The following WDR73 variants were observed in gnomAD, a reference collection of about 807,000 sequenced individuals.
WDR73 encodes the protein integrator complex assembly factor WDR73.
In WDR73, 30 loss-of-function variants were observed where a neutral mutation model predicts 38.2. The observed-to-expected ratio is 0.79, with a 90% CI of 0.59 to 1.06. WDR73 has a LOEUF of 1.06. Ranked by LOEUF, WDR73 falls within the 50% of genes least tolerant of loss-of-function variation. The pLI is 0.00. For missense variants in WDR73, 487 were observed against 467.0 expected (o/e 1.04, Z -0.40); for synonymous variants, 197 against 176.0 (o/e 1.12, Z -0.94).
intron 6 of WDR73, 54 bp downstream of exon 6, chr15:84,646,130 G>A: frequency 6.2e-7 from 1 of 1,610,620 alleles, no homozygotes; most frequent in Non-Finnish European, 8.5e-7. Flanking sequence ...GCTGAGTTGG[G>A]CTGGGGGGTG....
chr15:84,649,307 TG>T (rs1429666756), intron 3 of WDR73, among the ~76,000 whole-genome samples: 1 of 152,102 alleles, frequency 6.6e-6, no homozygotes, highest in African/African-American at 2.4e-5. Context: ...AAGGCAAAGC[TG>T]GTGGTGAGCG....
Position 84,645,742 on chromosome 15 carries a change from G to A in WDR73, c.612C>T (p.Asp204=). 1 of 1,611,236 alleles carries A rather than the reference G, an allele frequency of 6.2e-7. No individual in the cohort carries two copies. Among genetic ancestry groups the A allele is most frequent in the Non-Finnish European group, 8.5e-7 (1 of 1,178,706 alleles). The change falls in exon 7 of 8, where the codon GAC becomes GAT. Residue 204 remains aspartate, a synonymous_variant. Coordinates refer to ENST00000434634, the MANE Select transcript of WDR73 (RefSeq NM_032856.5). ...CCASGRLGLV[D]TRQKWAPLEN... Reference sequence around the variant, plus strand: ...CCAACGGTGCCCACTTCTGCCGGGTGTCAACAAGCCCCAGCCGGCCTGAAG... The same window carrying A: ...CCAACGGTGCCCACTTCTGCCGGGTATCAACAAGCCCCAGCCGGCCTGAAG...
Position 84,653,672 on chromosome 15 carries a change from C to T in WDR73, c.69G>A (p.Leu23=), listed in dbSNP as rs1896695910. The T allele has an allele frequency of 6.3e-7, 1 of 1,595,694 alleles. No individual in the cohort carries two copies. The highest frequency in any genetic ancestry group is 8.5e-7 in the Non-Finnish European group (1 of 1,170,984). The change falls in exon 2 of 8, where the codon CTG becomes CTA. Residue 23 remains leucine, a synonymous_variant. Coordinates refer to ENST00000434634, the MANE Select transcript of WDR73 (RefSeq NM_032856.5). ...ATTCAAGGACTCGAGTGGCTCCTGA[C>T]AGGTCGAATGCATAGAAATCCTGGT... The part of the protein sequence containing the change: ...RLYQDFYAFD[L]SGATRVLEWI...
At chr15:84,652,874 A>ATGTATCCTTACTTCGG in intron 2 of WDR73, 72 bp from the exon 3 acceptor site, 2 of 903,822 alleles carry the variant, frequency 2.2e-6, no homozygotes, top group Non-Finnish European at 1.7e-6. Context: ...CCCCGAAGTA[A>ATGTATCCTTACTTCGG]GGATACATTC....
rs1274261971 is a variant in WDR73 at position 84,640,677 on chromosome 15, CAG to C, written c.*2791_*2792del. ...TGCCACTGCATTCCAGCCTGGGCGA[CAG>C]AGTGAGACCCAGACTCAGCTGAAAA... On this transcript the variant is annotated 3_prime_UTR_variant, in exon 8 of 8. Transcript: ENST00000434634. 1 of 152,248 alleles carries C rather than the reference CAG, an allele frequency of 6.6e-6. No individual in the cohort carries two copies. The highest frequency in any genetic ancestry group is 1.5e-5 in the Non-Finnish European group (1 of 68,066). 9.4% of individuals were successfully genotyped at this position (152,248 alleles called of 1,614,324 possible).
rs1896205473 is a variant in WDR73 at position 84,639,810 on chromosome 15, C to T, written c.*3660G>A. The T allele has an allele frequency of 6.6e-6, 1 of 152,254 alleles. No individual in the cohort carries two copies. The highest frequency in any genetic ancestry group is 1.5e-5 in the Non-Finnish European group (1 of 68,100). 9.4% of individuals were successfully genotyped at this position (152,254 alleles called of 1,614,324 possible). On this transcript the variant is annotated 3_prime_UTR_variant, in exon 8 of 8. Coordinates refer to ENST00000434634, the MANE Select transcript of WDR73 (RefSeq NM_032856.5). ...AAAACTCCGCACCTGCCATCGAAAC[C>T]ACCAGGTGTACCGGATTATGGCTGA...
intron 2 of WDR73, chr15:84,653,389 C>G: frequency 2.5e-6 from 1 of 403,212 alleles, no homozygotes; most frequent in South Asian, 2.4e-5. Context: ...AGACTGGTCT[C>G]GAACTCCTGA....
rs201991585 is a variant in WDR73, at chr15:84,642,345, CA to C, written c.*1124del. On this transcript the variant is annotated 3_prime_UTR_variant, in exon 8 of 8. Transcript: ENST00000434634. The stretch of plus-strand genomic sequence containing the variant: ...ACAGAGCAAGACTCCATCTCTACTA[CA>C]AAAAAAAAAAAAAAAAAAATTCAAC... 0.017 allele frequency: 1,987 copies of C among 119,778 alleles called. 40 individuals are homozygous for C. The highest frequency in any genetic ancestry group is 0.048 in the African/African-American group (1,679 of 34,874). The allele number at this position is 119,778 out of a possible 1,614,324, so 7.4% of individuals were successfully genotyped here. A position where few individuals can be genotyped will look rare whatever the true frequency, so the allele number is the denominator to read the frequency against.
chr15:84,646,488 C>G (rs1361073709), intron 5 of WDR73, 140 bp from the exon 6 acceptor site: 1 of 1,248,920 alleles, frequency 8.0e-7, no homozygotes, highest in African/African-American at 1.5e-5. Flanking sequence ...GATGTTGAGA[C>G]ATAACTACTC....
Position 84,643,512 on chromosome 15 carries a change from A to C in WDR73, c.1095T>G (p.Ser365=), listed in dbSNP as rs1896333195. The change falls in exon 8 of 8, where the codon TCT becomes TCG. Residue 365 remains serine (S), a synonymous_variant. Transcript: ENST00000434634. ...GGTCCACCCAGTCCCACACATGCAG[A>C]GAGGCATCATTTGTTGCTGATAACA... ...RTLLSATNDA[S]LHVWDWVDLC... 2 of 1,581,298 alleles carry C rather than the reference A, an allele frequency of 1.3e-6. No individual in the cohort carries two copies. Among genetic ancestry groups the C allele is most frequent in the Non-Finnish European group, 1.7e-6 (2 of 1,163,010 alleles).
chr15:84,646,968 C>G (rs891722899), intron 5 of WDR73: 2 of 152,994 alleles, frequency 1.3e-5, no homozygotes, highest in African/African-American at 4.8e-5. Context: ...TCTCAGCTCA[C>G]TGCAGCCTCC....
rs182757693 is a variant in WDR73, at chr15:84,641,272, G to C, written c.*2198C>G. ...AAAACGTCCAGTGCAGGTGGGAAAT[G>C]AATGGGAGCTAGCATTCCACCAACA... On this transcript the variant is annotated 3_prime_UTR_variant, in exon 8 of 8. Transcript: ENST00000434634. 1.3e-4 allele frequency: 20 copies of C among 152,278 alleles called. No homozygotes were observed. The highest frequency in any genetic ancestry group is 4.8e-4 in the African/African-American group (20 of 41,556). 9.4% of individuals were successfully genotyped at this position (152,278 alleles called of 1,614,324 possible).
chr15:84,647,977 G>A (rs1433696139), intron 4 of WDR73, 23 bp from the exon 5 acceptor site: 1 of 1,612,500 alleles, frequency 6.2e-7, no homozygotes, highest in Non-Finnish European at 8.5e-7. Context: ...GACAAAATCA[G>A]TCCAGACCAT....
chr15:84,645,741 T>A lies in WDR73; in HGVS notation c.613A>T (p.Thr205Ser), dbSNP rs1462152293. The A allele has an allele frequency of 6.2e-7, 1 of 1,610,820 alleles. No homozygotes were observed. The highest frequency in any genetic ancestry group is 8.5e-7 in the Non-Finnish European group (1 of 1,178,574). ...TCCAACGGTGCCCACTTCTGCCGGGTGTCAACAAGCCCCAGCCGGCCTGAA... is the reference window on the plus strand; with the variant it reads ...TCCAACGGTGCCCACTTCTGCCGGGAGTCAACAAGCCCCAGCCGGCCTGAA... ...CASGRLGLVD[T>S]RQKWAPLENR... Residue 205 changes from threonine to serine, a missense_variant, in exon 7 of 8, where the codon ACC (threonine) becomes TCC (serine). Transcript: ENST00000434634.
Position 84,643,626 on chromosome 15 carries a change from G to A in WDR73, c.981C>T (p.His327=), listed in dbSNP as rs369382526. The change falls in exon 8 of 8, where the codon CAC becomes CAT. Residue 327 remains histidine, a synonymous_variant. Coordinates refer to ENST00000434634, the MANE Select transcript of WDR73 (RefSeq NM_032856.5). The part of the protein sequence containing the change: ...TRSQVEPLFT[H]RGHIFLDGNG... ...TTCCATCTAGGAAGATGTGACCTCT[G>A]TGAGTGAAGAGAGGTTCTACTTGGC... is the stretch of plus-strand genomic sequence containing the variant. 3.8e-4 allele frequency: 619 copies of A among 1,612,600 alleles called. 2 individuals carry two copies. The highest frequency in any genetic ancestry group is 4.9e-4 in the Non-Finnish European group (576 of 1,179,386).
chr15:84,646,039 C>T (rs1896445269), intron 6 of WDR73, 145 bp downstream of exon 6: 9 of 1,544,698 alleles, frequency 5.8e-6, no homozygotes, highest in Middle Eastern at 1.7e-4. Context: ...GCATAGGAGC[C>T]CTTAGAGGCC....
chr15:84,643,849 T>G, intron 7 of WDR73, 126 bp from the exon 8 acceptor site: 1 of 1,150,644 alleles, frequency 8.7e-7, no homozygotes, highest in Middle Eastern at 2.9e-4. Context: ...ACTCCTAGCC[T>G]CAAGCGATCC....
At chr15:84,651,931 G>A (rs1486843512) in intron 3 of WDR73, among the ~76,000 whole-genome samples, 1 of 151,974 alleles carries the variant, frequency 6.6e-6, no homozygotes, top group Non-Finnish European at 1.5e-5. Flanking sequence ...GCAGTGGCAC[G>A]ATCTCAGCTC....
intron 3 of WDR73, among the ~76,000 whole-genome samples, chr15:84,649,429 G>A (rs371695552): frequency 6.6e-6 from 1 of 151,694 alleles, no homozygotes; most frequent in African/African-American, 2.4e-5. Context: ...TATAGCTTCT[G>A]TAGCCTCTGG....
Sources: allele counts gnomAD v4.1 joint callset (sites outside exome capture counted in the v4.1 genomes callset), GRCh38; gene constraint gnomAD v4.1.1; transcripts MANE v1.5; gene names NCBI Gene and HGNC (gene_info 2026-07-23, HGNC 2026-07-21).